Variants in RALGPS2 observed in about 807,000 individuals in gnomAD.
The protein encoded by RALGPS2 is Ral GEF with PH domain and SH3 binding motif 2.
In RALGPS2, 43 loss-of-function variants were observed where a neutral mutation model predicts 86.8. The ratio of observed to expected loss-of-function variants is 0.50; its 90% confidence interval spans 0.39 to 0.64. RALGPS2 has a LOEUF of 0.64. RALGPS2 is among the 30% of genes least tolerant of loss of function. The pLI, the probability that RALGPS2 is intolerant of heterozygous loss-of-function variation, is 0.00. For synonymous variants in RALGPS2, 243 were observed against 231.3 expected, an observed-to-expected ratio of 1.05 and a Z score of -0.46; for missense variants, 536 against 694.6, an observed-to-expected ratio of 0.77 and a Z score of 2.57.
At position 178,818,990 on chromosome 1, in the gene RALGPS2, CTT is replaced by C. The variant is rs58110181; in HGVS notation, c.388-2607_388-2606del. Among the ~76,000 whole-genome samples the C allele has an allele frequency of 2.9e-3, 392 of 135,532 alleles. 3 individuals are homozygous for C. The highest frequency in any genetic ancestry group is 8.4e-3 in the African/African-American group (305 of 36,516). 88.9% of individuals were successfully genotyped at this position (135,532 alleles called of 152,430 possible). ...ATGAGTTTTTGTTGTTTTTCTTTTT[CTT>C]TTTTTTTTTTTTTTGAGACAGGGTC... On this transcript the variant is annotated intron_variant, in intron 6 of 19. Coordinates refer to ENST00000367635, the MANE Select transcript of RALGPS2 (RefSeq NM_152663.5).
intron 1 of RALGPS2, among the ~76,000 whole-genome samples, chr1:178,744,312 G>T (rs1446840480): frequency 6.6e-6 from 1 of 152,148 alleles, no homozygotes; most frequent in East Asian, 1.9e-4. Context: ...TTCATTCTGG[G>T]TAGTCACTTT....
chr1:178,769,818 A>C (rs759904990), intron 1 of RALGPS2, among the ~76,000 whole-genome samples: 1 of 152,088 alleles, frequency 6.6e-6, no homozygotes, highest in Admixed American at 6.5e-5. Context: ...AGGAGCAACA[A>C]TGTTCTATTC....
At chr1:178,881,731 G>A (rs764530999) in intron 10 of RALGPS2, among the ~76,000 whole-genome samples, 3 of 152,152 alleles carry the variant, frequency 2.0e-5, no homozygotes, top group Admixed American at 1.3e-4. Flanking sequence ...GATTACAGGC[G>A]TGAGCCACCG....
Position 178,920,947 on chromosome 1 carries a change from T to C in RALGPS2, c.*4588T>C, listed in dbSNP as rs1351254695. The stretch of plus-strand genomic sequence containing the variant: ...GAAAATATACAAGAAAGTAAAAATA[T>C]CTCTAATATATAAGTTAAAGGAAAG... On this transcript the variant is annotated 3_prime_UTR_variant, in exon 20 of 20. Transcript: ENST00000367635. 1 of 152,056 alleles carries C rather than the reference T, an allele frequency of 6.6e-6. No homozygotes were observed. Among genetic ancestry groups the C allele is most frequent in the Non-Finnish European group, 1.5e-5 (1 of 67,922 alleles). The allele number at this position is 152,056 out of a possible 1,614,324, so 9.4% of individuals were successfully genotyped here. A position where few individuals can be genotyped will look rare whatever the true frequency, so the allele number is the denominator to read the frequency against.
chr1:178,751,308 A>G (rs1651641940), intron 1 of RALGPS2, among the ~76,000 whole-genome samples: 1 of 152,098 alleles, frequency 6.6e-6, no homozygotes, highest in African/African-American at 2.4e-5. Context: ...GTTAAGACTC[A>G]TCTCAGATAC....
At chr1:178,889,550 G>T in intron 13 of RALGPS2, 92 bp from the exon 14 acceptor site, 2 of 843,464 alleles carry the variant, frequency 2.4e-6, no homozygotes, top group South Asian at 2.9e-5. Context: ...GTCATTTTAT[G>T]AGCATAGTTA....
At position 178,732,009 on chromosome 1, in the gene RALGPS2, T is replaced by C. The variant is rs770668568; in HGVS notation, c.-84+6590T>C. Among the ~76,000 whole-genome samples, 68 of 152,074 alleles carry C rather than the reference T, an allele frequency of 4.5e-4. 1 individual carries two copies. Among genetic ancestry groups the C allele is most frequent in the Non-Finnish European group, 2.9e-5 (2 of 68,034 alleles). ...TCACCAGGAGTAGGGAGAGTTACTA[T>C]AGAAATAGGAGAGAAGACAAAGTAT... On this transcript the variant is annotated intron_variant, in intron 1 of 19. Transcript: ENST00000367635.
rs71297889 is a variant in RALGPS2 at position 178,835,392 on chromosome 1, CT to C, written c.607+1860del. 4.7e-3 allele frequency among the ~76,000 whole-genome samples: 575 copies of C among 122,012 alleles called. 2 individuals are homozygous for C. Among genetic ancestry groups the C allele is most frequent in the African/African-American group, 0.013 (434 of 32,942 alleles). 80.0% of individuals were successfully genotyped at this position (122,012 alleles called of 152,430 possible). A position where few individuals can be genotyped will look rare whatever the true frequency, so the allele number is the denominator to read the frequency against. Reference sequence around the variant, plus strand: ...AGCATTGTGATATCTTCTTTCTTTTCTTTTTTTTTTTTTTTTTTGCGACAGA... The same window carrying C: ...AGCATTGTGATATCTTCTTTCTTTTCTTTTTTTTTTTTTTTTTGCGACAGA... On this transcript the variant is annotated intron_variant, in intron 8 of 19. Transcript: ENST00000367635.
At chr1:178,853,789 T>C in intron 8 of RALGPS2, 1 of 1,559,818 alleles carries the variant, frequency 6.4e-7, no homozygotes, top group Non-Finnish European at 8.6e-7. Flanking sequence ...TGAATGGTCC[T>C]ATAATTTAAA....
intron 8 of RALGPS2, among the ~76,000 whole-genome samples, chr1:178,847,549 T>C (rs571329043): frequency 5.9e-5 from 9 of 152,340 alleles, no homozygotes; most frequent in African/African-American, 2.2e-4. Context: ...GTTTTCTTAC[T>C]TGGTTATTTT....
chr1:178,878,702 A>C (rs559626876), intron 9 of RALGPS2, among the ~76,000 whole-genome samples, 200 bp from the exon 10 acceptor site: 2 of 152,184 alleles, frequency 1.3e-5, no homozygotes, highest in African/African-American at 4.8e-5. Flanking sequence ...ACAACAATCT[A>C]TACAAACAAT....
intron 8 of RALGPS2, among the ~76,000 whole-genome samples, chr1:178,835,440 TA>T (rs901770953): frequency 6.7e-6 from 1 of 149,598 alleles, no homozygotes; most frequent in Admixed American, 6.7e-5. Context: ...TTGTCCAGGC[TA>T]GAGTGCAGTG....
intron 4 of RALGPS2, among the ~76,000 whole-genome samples, chr1:178,795,209 A>G (rs1398868645): frequency 6.6e-6 from 1 of 151,848 alleles, no homozygotes; most frequent in African/African-American, 2.4e-5. Context: ...AGAAAGTTTT[A>G]TACTCTATTT....
chr1:178,771,166 A>G (rs997678552), intron 1 of RALGPS2, among the ~76,000 whole-genome samples: 6 of 152,132 alleles, frequency 3.9e-5, no homozygotes, highest in African/African-American at 1.4e-4. Context: ...ACTACAGGAA[A>G]TTGTCACATT....
chr1:178,731,540 C>G (rs947438944), intron 1 of RALGPS2, among the ~76,000 whole-genome samples: 1 of 152,060 alleles, frequency 6.6e-6, no homozygotes, highest in African/African-American at 2.4e-5. Context: ...ACCTCGGCCT[C>G]TCAGAGTGCT....
chr1:178,755,659 C>T (rs1038209459), intron 1 of RALGPS2, among the ~76,000 whole-genome samples: 22 of 152,108 alleles, frequency 1.4e-4, no homozygotes, highest in Admixed American at 1.2e-3. Flanking sequence ...CATATGAGTG[C>T]GTGTGTCTTT....
chr1:178,801,277 T>C (rs1305194513), intron 4 of RALGPS2, among the ~76,000 whole-genome samples: 1 of 152,116 alleles, frequency 6.6e-6, no homozygotes, highest in African/African-American at 2.4e-5. Flanking sequence ...TTCATTTGTT[T>C]AAGGTAGCCA....
At chr1:178,909,326 A>C (rs966135787) in intron 19 of RALGPS2, among the ~76,000 whole-genome samples, 28 of 152,112 alleles carry the variant, frequency 1.8e-4, no homozygotes, top group Non-Finnish European at 1.5e-5. Flanking sequence ...GTAGTCTTGT[A>C]GTATAGTTTG....
intron 19 of RALGPS2, 79 bp downstream of exon 19, chr1:178,906,946 C>CTGTT: frequency 7.8e-7 from 1 of 1,278,816 alleles, no homozygotes; most frequent in Non-Finnish European, 1.1e-6. Context: ...AGTAAACAGA[C>CTGTT]TAGTTCTGAA....
Sources: gnomAD v4.1 joint callset for allele counts (sites outside exome capture counted in the v4.1 genomes callset) on GRCh38, gnomAD v4.1.1 for gene constraint, MANE v1.5 for transcripts, NCBI Gene and HGNC (gene_info 2026-07-23, HGNC 2026-07-21) for gene names.